ST6GALNAC3: variants seen among roughly 807,000 people sequenced by gnomAD.
ST6GALNAC3 encodes the protein ST6 N-acetylgalactosaminide alpha-2,6-sialyltransferase 3.
Under a neutral mutation model 32.7 loss-of-function variants are expected in ST6GALNAC3, and 25 were observed. The observed-to-expected ratio is 0.76, with a 90% CI of 0.56 to 1.07. The LOEUF is 1.07. ST6GALNAC3 is among the 50% of genes least tolerant of loss of function. The pLI is 0.00. For missense variants in ST6GALNAC3, 355 were observed against 382.4 expected (o/e 0.93, Z 0.60); for synonymous variants, 129 against 133.1 (o/e 0.97, Z 0.21).
At chr1:76,167,261 T>G (rs548790638) in intron 1 of ST6GALNAC3, among the ~76,000 whole-genome samples, 2 of 152,172 alleles carry the variant, frequency 1.3e-5, no homozygotes, top group South Asian at 4.2e-4. Context: ...AATAATCATG[T>G]TTTTTGTCTT....
At chr1:76,267,008 C>G (rs1240266072) in intron 1 of ST6GALNAC3, among the ~76,000 whole-genome samples, 2 of 152,202 alleles carry the variant, frequency 1.3e-5, no homozygotes, top group Non-Finnish European at 2.9e-5. Flanking sequence ...TAGAAGCAGG[C>G]AATGCCAATG....
intron 3 of ST6GALNAC3, among the ~76,000 whole-genome samples, chr1:76,593,061 T>G (rs1229760424): frequency 1.3e-5 from 2 of 152,174 alleles, no homozygotes; most frequent in Non-Finnish European, 2.9e-5. Context: ...AAAACATGAT[T>G]TTTTCTAAAT....
intron 1 of ST6GALNAC3, among the ~76,000 whole-genome samples, chr1:76,201,031 A>G (rs1424988281): frequency 1.3e-5 from 2 of 152,254 alleles, no homozygotes; most frequent in South Asian, 2.1e-4. Flanking sequence ...ATACAAAACA[A>G]ATTGTACCCC....
At chr1:76,195,830 A>G (rs1654172324) in intron 1 of ST6GALNAC3, among the ~76,000 whole-genome samples, 2 of 152,230 alleles carry the variant, frequency 1.3e-5, no homozygotes, top group African/African-American at 4.8e-5. Context: ...GTCAGGAACA[A>G]GCATGGGCTT....
chr1:76,077,629 G>A (rs1646834938), intron 1 of ST6GALNAC3, among the ~76,000 whole-genome samples: 1 of 152,096 alleles, frequency 6.6e-6, no homozygotes. Context: ...GAAAACTAAT[G>A]GAAAATAGGT....
intron 1 of ST6GALNAC3, among the ~76,000 whole-genome samples, chr1:76,137,213 G>A (rs1260167380): frequency 6.6e-6 from 1 of 152,218 alleles, no homozygotes; most frequent in African/African-American, 2.4e-5. Context: ...AATCTATGTG[G>A]AGTTGGTTCT....
At chr1:76,430,681 G>A (rs1010380137) in intron 3 of ST6GALNAC3, among the ~76,000 whole-genome samples, 1 of 151,994 alleles carries the variant, frequency 6.6e-6, no homozygotes, top group Middle Eastern at 3.2e-3. Flanking sequence ...AGGCTAGTTT[G>A]GCTGCTTCTT....
intron 2 of ST6GALNAC3, among the ~76,000 whole-genome samples, chr1:76,368,616 C>T (rs527838447): frequency 6.6e-6 from 1 of 152,262 alleles, no homozygotes; most frequent in Non-Finnish European, 1.5e-5. Flanking sequence ...TGGCACCTAA[C>T]ACACAATGCC....
chr1:76,574,363 A>T (rs1646766215), intron 3 of ST6GALNAC3, among the ~76,000 whole-genome samples: 1 of 152,106 alleles, frequency 6.6e-6, no homozygotes, highest in African/African-American at 2.4e-5. Flanking sequence ...CCACTTAAGT[A>T]GAATCTATTA....
At chr1:76,354,751 G>T (rs1304505292) in intron 2 of ST6GALNAC3, among the ~76,000 whole-genome samples, 2 of 152,174 alleles carry the variant, frequency 1.3e-5, no homozygotes, top group Non-Finnish European at 2.9e-5. Context: ...ACTTCTAAGA[G>T]TGTTGGTTTG....
At position 76,112,762 on chromosome 1, in the gene ST6GALNAC3, C is replaced by T. The variant is rs996851692; in HGVS notation, c.18+37878C>T. 3.3e-5 allele frequency among the ~76,000 whole-genome samples: 5 copies of T among 151,058 alleles called. No homozygotes were observed. The East Asian group carries it at 8.0e-4, about 24-fold the overall frequency. On this transcript the variant is annotated intron_variant, in intron 1 of 4. Coordinates refer to ENST00000328299, the MANE Select transcript of ST6GALNAC3 (RefSeq NM_152996.4). ...ACGGGGCGGCAGGGCAGAGGCGCTC[C>T]CCACATCTCAGACGATGGGCGGCCG...
chr1:76,283,806 C>T (rs902146103), intron 1 of ST6GALNAC3, among the ~76,000 whole-genome samples: 2 of 152,164 alleles, frequency 1.3e-5, no homozygotes, highest in Non-Finnish European at 2.9e-5. Flanking sequence ...TATTTGTGCC[C>T]CTCAAGTTGA....
chr1:76,143,755 C>G (rs563989196), intron 1 of ST6GALNAC3, among the ~76,000 whole-genome samples: 1 of 152,130 alleles, frequency 6.6e-6, no homozygotes, highest in Middle Eastern at 3.4e-3. Context: ...TCACTGTCCC[C>G]CAGGATAAGG....
At chr1:76,429,012 G>A (rs1016409390) in intron 3 of ST6GALNAC3, among the ~76,000 whole-genome samples, 1 of 136,976 alleles carries the variant, frequency 7.3e-6, no homozygotes, top group African/African-American at 3.6e-5. Context: ...CTTTACTAAG[G>A]GTAGCTTTAT....
chr1:76,569,137 A>T (rs149676052), intron 3 of ST6GALNAC3, among the ~76,000 whole-genome samples: 1 of 152,192 alleles, frequency 6.6e-6, no homozygotes, highest in Non-Finnish European at 1.5e-5. Context: ...GAAGGGCCAT[A>T]TACTGCTGTC....
chr1:76,620,669 C>G (rs1648578107), intron 3 of ST6GALNAC3, among the ~76,000 whole-genome samples: 1 of 151,994 alleles, frequency 6.6e-6, no homozygotes, highest in African/African-American at 2.4e-5. Flanking sequence ...ACAACTCACC[C>G]TGCTAATCTC....
chr1:76,346,669 G>A (rs1428341886), intron 2 of ST6GALNAC3, among the ~76,000 whole-genome samples: 1 of 152,112 alleles, frequency 6.6e-6, no homozygotes, highest in Non-Finnish European at 1.5e-5. Flanking sequence ...GATAGATGTG[G>A]CTTCCAATTC....
At chr1:76,171,817 C>CAACA (rs1355401455) in intron 1 of ST6GALNAC3, among the ~76,000 whole-genome samples, 1 of 133,066 alleles carries the variant, frequency 7.5e-6, no homozygotes, top group African/African-American at 2.9e-5. Flanking sequence ...AAAACAACAA[C>CAACA]AAAAAAAAAA....
chr1:76,273,787 CTAAA>C (rs1223473542), intron 1 of ST6GALNAC3, among the ~76,000 whole-genome samples: 1 of 152,144 alleles, frequency 6.6e-6, no homozygotes, highest in Non-Finnish European at 1.5e-5. Context: ...TGGTAGCAAT[CTAAA>C]TATCCGCTCG....
Sources: gnomAD v4.1 joint callset for allele counts (sites outside exome capture counted in the v4.1 genomes callset) on GRCh38, gnomAD v4.1.1 for gene constraint, MANE v1.5 for transcripts, NCBI Gene and HGNC (gene_info 2026-07-23, HGNC 2026-07-21) for gene names.